PODXL: variants seen among roughly 807,000 people sequenced by gnomAD.
PODXL encodes podocalyxin like.
A neutral mutation model predicts 48.9 loss-of-function variants in PODXL; 20 were observed. The observed-to-expected ratio is 0.41, with a 90% confidence interval of 0.29 to 0.59. The LOEUF is 0.59. Among genes scored for constraint, PODXL ranks in the 20% least tolerant of loss-of-function variants. PODXL has a pLI of 0.31. For synonymous variants in PODXL, 295 were observed against 287.4 expected (o/e 1.03, Z -0.27); for missense variants, 606 against 675.1 (o/e 0.90, Z 1.13).
chr7:131,526,342 C>T (rs1798185553), intron 1 of PODXL, among the ~76,000 whole-genome samples: 1 of 152,018 alleles, frequency 6.6e-6, no homozygotes. Context: ...TGGATCGGAA[C>T]CCCAAGAATA....
intron 1 of PODXL, 93 bp downstream of exon 1, chr7:131,556,167 C>G (rs552944331): frequency 1.5e-6 from 2 of 1,341,868 alleles, no homozygotes; most frequent in South Asian, 1.8e-5. Flanking sequence ...CGGGGTCGGA[C>G]CACGCGGCGC....
intron 3 of PODXL, among the ~76,000 whole-genome samples, chr7:131,509,859 C>T (rs993782229): frequency 1.3e-5 from 2 of 152,302 alleles, no homozygotes; most frequent in African/African-American, 2.4e-5. Context: ...GGGAAGGAAT[C>T]GGCATCATCC....
In PODXL at chr7:131,511,439, T is replaced by C. The variant is rs756257421; in HGVS notation, c.101-6A>G. The C allele has an allele frequency of 1.9e-6, 3 of 1,599,846 alleles. No homozygotes were observed. Among genetic ancestry groups the C allele is most frequent in the Non-Finnish European group, 2.5e-6 (3 of 1,179,884 alleles). ...GTCCGTAGTAGTCTGGGTTGCTGTT[T>C]GTAAAGATAACAGAGAATGGAGTTA... is the stretch of plus-strand genomic sequence containing the variant. On this transcript the variant is annotated splice_region_variant and splice_polypyrimidine_tract_variant and intron_variant, in intron 1 of 8. Transcript: ENST00000378555.
intron 1 of PODXL, among the ~76,000 whole-genome samples, chr7:131,535,950 G>A (rs1295466642): frequency 1.3e-5 from 2 of 152,172 alleles, no homozygotes; most frequent in African/African-American, 4.8e-5. Flanking sequence ...TAGAGACAGA[G>A]TCTCACTATG....
At chr7:131,534,789 C>A (rs905597950) in intron 1 of PODXL, among the ~76,000 whole-genome samples, 3 of 152,172 alleles carry the variant, frequency 2.0e-5, no homozygotes, top group Non-Finnish European at 4.4e-5. Context: ...GTGGCTCACA[C>A]CTGAAATCCC....
At chr7:131,509,221 G>A (rs1016634458) in intron 4 of PODXL, 144 bp downstream of exon 4, 7 of 813,414 alleles carry the variant, frequency 8.6e-6, no homozygotes, top group Admixed American at 2.1e-5. Context: ...GGCTAACCAG[G>A]GAGAGGGAGG....
rs542534346 is a variant in PODXL at position 131,536,539 on chromosome 7, GGGGTAGAAGTCA to G, written c.100+19709_100+19720del. On this transcript the variant is annotated intron_variant, in intron 1 of 8. Transcript: ENST00000378555. ...GCCAGCAGCAGCTGGTGTCAGGGCT[GGGGTAGAAGTCA>G]GCCAGCAAAAAAGGCCAGTCCAACA... 3.5e-4 allele frequency among the ~76,000 whole-genome samples: 53 copies of G among 152,336 alleles called. 1 individual carries two copies. In the South Asian group the frequency reaches 0.011, roughly 32 times the overall value.
At chr7:131,542,683 C>CA (rs1347318185) in intron 1 of PODXL, among the ~76,000 whole-genome samples, 1 of 152,066 alleles carries the variant, frequency 6.6e-6, no homozygotes, top group Non-Finnish European at 1.5e-5. Context: ...ATAACAGCAA[C>CA]AAATAAAGTG....
intron 3 of PODXL, among the ~76,000 whole-genome samples, chr7:131,509,988 T>C (rs1797881464): frequency 6.6e-6 from 1 of 152,180 alleles, no homozygotes; most frequent in African/African-American, 2.4e-5. Flanking sequence ...GAGCCCGCAC[T>C]CCTACTGTGT....
chr7:131,554,596 T>G (rs1471699727), intron 1 of PODXL, among the ~76,000 whole-genome samples: 1 of 152,200 alleles, frequency 6.6e-6, no homozygotes, highest in Non-Finnish European at 1.5e-5. Context: ...AAGCCAGCAG[T>G]GAGCTGGAGT....
At chr7:131,515,788 C>T (rs571103709) in intron 1 of PODXL, among the ~76,000 whole-genome samples, 10 of 152,290 alleles carry the variant, frequency 6.6e-5, no homozygotes, top group African/African-American at 2.4e-4. Context: ...ATTCACTTGC[C>T]AGGAAGCTCT....
intron 1 of PODXL, among the ~76,000 whole-genome samples, chr7:131,537,776 G>A (rs1314059427): frequency 6.6e-6 from 1 of 152,118 alleles, no homozygotes; most frequent in Non-Finnish European, 1.5e-5. Context: ...GAGAAGATTC[G>A]GGGTTGTGTC....
At chr7:131,512,045 C>G (rs1299282955) in intron 1 of PODXL, among the ~76,000 whole-genome samples, 1 of 152,056 alleles carries the variant, frequency 6.6e-6, no homozygotes. Context: ...TGAGCTTAAG[C>G]AAAAAAGACA....
In PODXL at chr7:131,546,427, T is replaced by C. The variant is rs147208266; in HGVS notation, c.100+9833A>G. 5.4e-3 allele frequency among the ~76,000 whole-genome samples: 820 copies of C among 152,152 alleles called. 10 individuals carry two copies. Among genetic ancestry groups the C allele is most frequent in the African/African-American group, 0.018 (761 of 41,532 alleles). On this transcript the variant is annotated intron_variant, in intron 1 of 8. Coordinates refer to ENST00000378555, the MANE Select transcript of PODXL (RefSeq NM_001018111.3). ...TGCCAGGATCGGGGTGCAGGTGGCT[T>C]CAGAAAGCCTGTTTTGGGCCGGGCG... is the stretch of plus-strand genomic sequence containing the variant.
chr7:131,537,751 G>A (rs535797522), intron 1 of PODXL, among the ~76,000 whole-genome samples: 13 of 152,238 alleles, frequency 8.5e-5, no homozygotes, highest in Non-Finnish European at 1.8e-4. Flanking sequence ...GAGGGTAACC[G>A]CTATTATTCT....
intron 1 of PODXL, among the ~76,000 whole-genome samples, chr7:131,552,274 G>A (rs1798680796): frequency 6.6e-6 from 1 of 152,228 alleles, no homozygotes; most frequent in Non-Finnish European, 1.5e-5. Context: ...CCGCATGGTG[G>A]AGGAGACACA....
intron 1 of PODXL, among the ~76,000 whole-genome samples, chr7:131,522,028 G>A (rs142479855): frequency 3.9e-5 from 6 of 152,254 alleles, no homozygotes; most frequent in Admixed American, 2.6e-4. Flanking sequence ...CATCTAGGAA[G>A]AGGCAGGAAT....
rs532656003 is a variant in PODXL, at chr7:131,528,111, G to A, written c.101-16678C>T. 2.8e-4 allele frequency among the ~76,000 whole-genome samples: 43 copies of A among 151,970 alleles called. No homozygotes were observed. In the East Asian group the frequency reaches 7.5e-3, roughly 27 times the overall value. ...AGATGGGGTTTCACCATGTTGGCTG[G>A]TCTCAAACTCCTGACCTCAAGTGAT... is the stretch of plus-strand genomic sequence containing the variant. On this transcript the variant is annotated intron_variant, in intron 1 of 8. Coordinates refer to ENST00000378555, the MANE Select transcript of PODXL (RefSeq NM_001018111.3).
At chr7:131,527,306 A>G (rs751487673) in intron 1 of PODXL, among the ~76,000 whole-genome samples, 9 of 152,230 alleles carry the variant, frequency 5.9e-5, no homozygotes, top group Non-Finnish European at 1.2e-4. Context: ...GAATAATATT[A>G]GGCAATAAAA....
Sources: allele counts gnomAD v4.1 joint callset (sites outside exome capture counted in the v4.1 genomes callset), GRCh38; gene constraint gnomAD v4.1.1; transcripts MANE v1.5; gene names NCBI Gene and HGNC (gene_info 2026-07-23, HGNC 2026-07-21).